The following CYP1B1 variants were observed in gnomAD, a reference collection of about 807,000 sequenced individuals.
The protein encoded by CYP1B1 is cytochrome P450 1B1.
A neutral mutation model predicts 29.9 loss-of-function variants in CYP1B1; 22 were observed. The ratio of observed to expected loss-of-function variants is 0.74; its 90% CI spans 0.53 to 1.05. CYP1B1 has a LOEUF of 1.05. Among genes scored for constraint, CYP1B1 ranks in the 50% least tolerant of loss-of-function variants. The pLI, the probability that CYP1B1 is intolerant of heterozygous loss-of-function variation, is 0.00. For synonymous variants in CYP1B1, 375 were observed against 320.0 expected (o/e 1.17, Z -1.83); for missense variants, 883 against 746.9 (o/e 1.18, Z -2.12).
chr2:38,074,340 C>G lies in CYP1B1; in HGVS notation c.1043+6G>C, dbSNP rs1404755887. 1 of 1,612,982 alleles carries G rather than the reference C, an allele frequency of 6.2e-7. No homozygotes were observed. Among genetic ancestry groups the G allele is most frequent in the Admixed American group, 1.7e-5 (1 of 60,006 alleles). ...AGACCTGGCCCACGCCTCCCAGAGG[C>G]TTTACCTGGTGAAGAGGAGGAGCAG... is the stretch of plus-strand genomic sequence containing the variant. On this transcript the variant is annotated splice_donor_region_variant and intron_variant, in intron 2 of 2. Coordinates refer to ENST00000610745, the MANE Select transcript of CYP1B1 (RefSeq NM_000104.4).
Position 38,070,553 on chromosome 2 carries a change from G to T in CYP1B1, c.*169C>A. The T allele has an allele frequency of 1.5e-6, 1 of 660,938 alleles. No homozygotes were observed. The allele number at this position is 660,938 out of a possible 1,614,324, so 40.9% of individuals were successfully genotyped here. A position where few individuals can be genotyped will look rare whatever the true frequency, so the allele number is the denominator to read the frequency against. On this transcript the variant is annotated 3_prime_UTR_variant, in exon 3 of 3. Transcript: ENST00000610745. ...AGCTCCTGCATAGCCCACTACTCATGAAGAACCGCTGGGTATGGAGCACAC... is the reference window on the plus strand; with the variant it reads ...AGCTCCTGCATAGCCCACTACTCATTAAGAACCGCTGGGTATGGAGCACAC...
chr2:38,074,345 C>A lies in CYP1B1; in HGVS notation c.1043+1G>T. ...TGGCCCACGCCTCCCAGAGGCTTTACCTGGTGAAGAGGAGGAGCAGCCACT... is the reference window on the plus strand; with the variant it reads ...TGGCCCACGCCTCCCAGAGGCTTTAACTGGTGAAGAGGAGGAGCAGCCACT... On this transcript the variant is annotated splice_donor_variant, in intron 2 of 2. Transcript: ENST00000610745. LOFTEE classifies it high-confidence loss of function. The A allele has an allele frequency of 6.2e-7, 1 of 1,613,108 alleles. No individual in the cohort carries two copies. Among genetic ancestry groups the A allele is most frequent in the Non-Finnish European group, 8.5e-7 (1 of 1,179,922 alleles).
Position 38,069,427 on chromosome 2 carries a change from T to C in CYP1B1, c.*1295A>G, listed in dbSNP as rs1307929818. On this transcript the variant is annotated 3_prime_UTR_variant, in exon 3 of 3. Coordinates refer to ENST00000610745, the MANE Select transcript of CYP1B1 (RefSeq NM_000104.4). Reference sequence around the variant, plus strand: ...TGCCTTCCACAGGAGAATGTTCAGATTTCCACTAACTTCAACTGGAACTCA... The same window carrying C: ...TGCCTTCCACAGGAGAATGTTCAGACTTCCACTAACTTCAACTGGAACTCA... 4.8e-6 allele frequency: 1 copy of C among 210,474 alleles called. No homozygotes were observed. The highest frequency in any genetic ancestry group is 5.9e-5 in the Admixed American group (1 of 16,962). 13.0% of individuals were successfully genotyped at this position (210,474 alleles called of 1,614,324 possible).
rs1158613221 is a variant in CYP1B1, at chr2:38,074,923, A to C, written c.466T>G (p.Phe156Val). The C allele has an allele frequency of 1.3e-6, 2 of 1,560,892 alleles. No individual in the cohort carries two copies. The highest frequency in any genetic ancestry group is 1.7e-6 in the Non-Finnish European group (2 of 1,159,158). Residue 156 changes from phenylalanine to valine, a missense_variant, in exon 2 of 3, where the codon TTC becomes GTC. Physicochemically the swap from Phe to Val is conservative, Grantham distance 50. Coordinates refer to ENST00000610745, the MANE Select transcript of CYP1B1 (RefSeq NM_000104.4). ...TGGCGGCTGCGCGGCTGGCGCGTGA[A>C]GAAGTTGCGCATCATGCTGTGGGCT... ...RAAHSMMRNF[F>V]TRQPRSRQVL...
Position 38,075,128 on chromosome 2 carries a change from G to C in CYP1B1, c.261C>G (p.Ile87Met), listed in dbSNP as rs762019314. The C allele has an allele frequency of 3.2e-6, 5 of 1,578,814 alleles. No individual in the cohort carries two copies. The highest frequency in any genetic ancestry group is 2.7e-5 in the African/African-American group (2 of 74,692). ...CCACTATGGGGCAGCTGCCCAGGCG[G>C]ATCTGGAAAACGTCGCCGTAGCGCC... The part of the protein sequence containing the change: ...LARRYGDVFQ[I>M]RLGSCPIVVL... Residue 87 changes from isoleucine to methionine, a missense_variant, in exon 2 of 3, where the codon ATC (isoleucine) becomes ATG (methionine). By Grantham distance (10) the Ile-to-Met change is conservative. Transcript: ENST00000610745.
intron 2 of CYP1B1, among the ~76,000 whole-genome samples, chr2:38,072,286 A>G (rs1202272456): frequency 6.6e-6 from 1 of 152,198 alleles, no homozygotes; most frequent in Non-Finnish European, 1.5e-5. Flanking sequence ...TACCTGCCAG[A>G]CAGCGGCGGG....
At position 38,071,293 on chromosome 2, in the gene CYP1B1, G is replaced by C. The variant is rs772853286; in HGVS notation, c.1061C>G (p.Thr354Ser). The change falls in exon 3 of 3, where the codon ACT becomes AGT. Residue 354 changes from threonine to serine, a missense_variant. Thr to Ser is a moderately conservative substitution (Grantham distance 58, BLOSUM62 1). Coordinates refer to ENST00000610745, the MANE Select transcript of CYP1B1 (RefSeq NM_000104.4). ...LLFTRYPDVQ[T>S]RVQAELDQVV... ...CTGATCCAATTCTGCCTGCACTCGAGTCTGCACATCAGGATACCTGTTTGG... is the reference window on the plus strand; with the variant it reads ...CTGATCCAATTCTGCCTGCACTCGACTCTGCACATCAGGATACCTGTTTGG... 1 of 1,613,042 alleles carries C rather than the reference G, an allele frequency of 6.2e-7. No homozygotes were observed. Among genetic ancestry groups the C allele is most frequent in the Non-Finnish European group, 8.5e-7 (1 of 1,180,032 alleles).
chr2:38,069,045 G>A lies in CYP1B1; in HGVS notation c.*1677C>T, dbSNP rs1682374188. 1 of 225,514 alleles carries A rather than the reference G, an allele frequency of 4.4e-6. No individual in the cohort carries two copies. Among genetic ancestry groups the A allele is most frequent in the South Asian group, 1.8e-4 (1 of 5,458 alleles). The allele number at this position is 225,514 out of a possible 1,614,324, so 14.0% of individuals were successfully genotyped here. On this transcript the variant is annotated 3_prime_UTR_variant, in exon 3 of 3. Transcript: ENST00000610745. ...TTAGGACACTGTAGAACTTTCTTTG[G>A]AAGTTTAATTGCAATGAACTTTAAA...
chr2:38,075,615 T>G, intron 1 of CYP1B1, 165 bp downstream of exon 1: 1 of 593,038 alleles, frequency 1.7e-6, no homozygotes, highest in African/African-American at 1.9e-5. Context: ...GCCAAACCCT[T>G]CCCCTCCCCG....
At position 38,071,044 on chromosome 2, in the gene CYP1B1, G is replaced by A. The variant is rs56175199; in HGVS notation, c.1310C>T (p.Pro437Leu). 34 of 1,614,040 alleles carry A rather than the reference G, an allele frequency of 2.1e-5. No individual in the cohort carries two copies. The highest frequency in any genetic ancestry group is 9.3e-5 in the African/African-American group (7 of 75,040). The change falls in exon 3 of 3, where the codon CCG becomes CTG. Residue 437 changes from proline to leucine, a missense_variant. Physicochemically the swap from Pro to Leu is moderately conservative, Grantham distance 98. Transcript: ENST00000610745. ...GAATCGAGCTGGATCAAAGTTCTCC[G>A]GGTTAGGCCACTTCAGTGGGTCATG... ...VNHDPLKWPN[P>L]ENFDPARFLD...
At chr2:38,074,210 A>G in intron 2 of CYP1B1, 136 bp downstream of exon 2, 1 of 975,838 alleles carries the variant, frequency 1.0e-6, no homozygotes, top group Non-Finnish European at 1.5e-6. Flanking sequence ...TACCGACGCG[A>G]TCTTGGTTTT....
chr2:38,071,018 A>G lies in CYP1B1; in HGVS notation c.1336T>C (p.Leu446=), dbSNP rs748355427. The change falls in exon 3 of 3, where the codon TTG becomes CTG. Residue 446 remains leucine (L), a synonymous_variant. Coordinates refer to ENST00000610745, the MANE Select transcript of CYP1B1 (RefSeq NM_000104.4). ...TTGTTGATGAGGCCATCCTTGTCCA[A>G]GAATCGAGCTGGATCAAAGTTCTCC... is the stretch of plus-strand genomic sequence containing the variant. ...NPENFDPARF[L]DKDGLINKDL... 1.9e-6 allele frequency: 3 copies of G among 1,614,008 alleles called. No individual in the cohort carries two copies. Among genetic ancestry groups the G allele is most frequent in the African/African-American group, 1.3e-5 (1 of 74,914 alleles).
Position 38,070,831 on chromosome 2 carries a change from C to T in CYP1B1, c.1523G>A (p.Gly508Asp). ...AAATGACTTGGGTTTAATGGTTAGA[C>T]CATAACTGAAATTCATTTTCGCAGG... ...NEPAKMNFSY[G>D]LTIKPKSFKV... The change falls in exon 3 of 3, where the codon GGT (glycine) becomes GAT (aspartate). Residue 508 changes from glycine to aspartate, a missense_variant. Gly to Asp is a moderately conservative substitution (Grantham distance 94). Coordinates refer to ENST00000610745, the MANE Select transcript of CYP1B1 (RefSeq NM_000104.4). The T allele has an allele frequency of 6.2e-7, 1 of 1,614,136 alleles. No individual in the cohort carries two copies. Among genetic ancestry groups the T allele is most frequent in the African/African-American group, 1.3e-5 (1 of 75,044 alleles).
Position 38,070,488 on chromosome 2 carries a change from T to C in CYP1B1, c.*234A>G, listed in dbSNP as rs955785244. 19 of 555,408 alleles carry C rather than the reference T, an allele frequency of 3.4e-5. No homozygotes were observed. Among genetic ancestry groups the C allele is most frequent in the South Asian group, 6.4e-5 (3 of 47,204 alleles). 34.4% of individuals were successfully genotyped at this position (555,408 alleles called of 1,614,324 possible). ...GATGCAGTATGTATATAATAATTCA[T>C]TGGGCCCTTTAAGTCTTTGACTCAA... On this transcript the variant is annotated 3_prime_UTR_variant, in exon 3 of 3. Transcript: ENST00000610745.
chr2:38,074,744 G>A lies in CYP1B1; in HGVS notation c.645C>T (p.Ser215=). Residue 215 remains serine (S), a synonymous_variant, in exon 2 of 3, where the codon AGC becomes AGT. Transcript: ENST00000610745. ...MSAVCFGCRY[S]HDDPEFRELL... Reference sequence around the variant, plus strand: ...GCTCACGGAACTCGGGGTCGTCGTGGCTGTAGCGGCAGCCGAAACACACGG... The same window carrying A: ...GCTCACGGAACTCGGGGTCGTCGTGACTGTAGCGGCAGCCGAAACACACGG... 1 of 1,604,286 alleles carries A rather than the reference G, an allele frequency of 6.2e-7. No homozygotes were observed. The highest frequency in any genetic ancestry group is 8.5e-7 in the Non-Finnish European group (1 of 1,176,280).
Position 38,069,696 on chromosome 2 carries a change from A to G in CYP1B1, c.*1026T>C, listed in dbSNP as rs1682388392. 1 of 199,630 alleles carries G rather than the reference A, an allele frequency of 5.0e-6. No homozygotes were observed. Among genetic ancestry groups the G allele is most frequent in the African/African-American group, 2.4e-5 (1 of 41,180 alleles). The allele number at this position is 199,630 out of a possible 1,614,324, so 12.4% of individuals were successfully genotyped here. On this transcript the variant is annotated 3_prime_UTR_variant, in exon 3 of 3. Coordinates refer to ENST00000610745, the MANE Select transcript of CYP1B1 (RefSeq NM_000104.4). ...ATAGGTGGTTGATTTAATCAAGCTC[A>G]TTTTTAGCACACTTGGTTGCGTTAG... is the stretch of plus-strand genomic sequence containing the variant.
At position 38,069,331 on chromosome 2, in the gene CYP1B1, C is replaced by T. The variant is rs142396010; in HGVS notation, c.*1391G>A. The T allele has an allele frequency of 4.9e-4, 108 of 218,670 alleles. 1 individual carries two copies. Among genetic ancestry groups the T allele is most frequent in the African/African-American group, 2.2e-3 (100 of 44,662 alleles). The allele number at this position is 218,670 out of a possible 1,614,324, so 13.5% of individuals were successfully genotyped here. Reference sequence around the variant, plus strand: ...GTTCTGTCCCCAACTCTTGTCACCTCGTAAAAAGAACATCCAGGTAATTCA... The same window carrying T: ...GTTCTGTCCCCAACTCTTGTCACCTTGTAAAAAGAACATCCAGGTAATTCA... On this transcript the variant is annotated 3_prime_UTR_variant, in exon 3 of 3. Transcript: ENST00000610745.
Position 38,074,840 on chromosome 2 carries a change from G to T in CYP1B1, c.549C>A (p.Arg183=). The T allele has an allele frequency of 1.3e-6, 2 of 1,565,402 alleles. No individual in the cohort carries two copies. The highest frequency in any genetic ancestry group is 1.7e-6 in the Non-Finnish European group (2 of 1,155,784). ...EARELVALLV[R]GSADGAFLDP... is the part of the protein sequence containing the mutation. The stretch of plus-strand genomic sequence containing the variant: ...CGAGGAAGGCGCCGTCCGCGCTGCC[G>T]CGCACCAGCAGCGCCACCAGCTCGC... The change falls in exon 2 of 3, where the codon CGC becomes CGA. Residue 183 remains arginine (R), a synonymous_variant. Transcript: ENST00000610745.
rs1335420501 is a variant in CYP1B1 at position 38,069,416 on chromosome 2, G to C, written c.*1306C>G. On this transcript the variant is annotated 3_prime_UTR_variant, in exon 3 of 3. Coordinates refer to ENST00000610745, the MANE Select transcript of CYP1B1 (RefSeq NM_000104.4). ...TTAGATTTCTCTGCCTTCCACAGGAGAATGTTCAGATTTCCACTAACTTCA... is the reference window on the plus strand; with the variant it reads ...TTAGATTTCTCTGCCTTCCACAGGACAATGTTCAGATTTCCACTAACTTCA... 1 of 211,900 alleles carries C rather than the reference G, an allele frequency of 4.7e-6. No homozygotes were observed. The highest frequency in any genetic ancestry group is 2.3e-5 in the African/African-American group (1 of 44,178). The allele number at this position is 211,900 out of a possible 1,614,324, so 13.1% of individuals were successfully genotyped here.
Sources: allele counts gnomAD v4.1 joint callset (sites outside exome capture counted in the v4.1 genomes callset), GRCh38; gene constraint gnomAD v4.1.1; transcripts MANE v1.5; gene names NCBI Gene and HGNC (gene_info 2026-07-23, HGNC 2026-07-21).